The following FBN2 variants were observed in gnomAD, a reference collection of about 807,000 sequenced individuals.
The protein encoded by FBN2 is fibrillin-2.
FBN2 carries 105 observed loss-of-function variants against 355.6 expected under a neutral mutation model. The observed-to-expected ratio is 0.30, with a 90% confidence interval of 0.25 to 0.35. FBN2 has a LOEUF of 0.35. Ranked by LOEUF, FBN2 falls within the 10% of genes least tolerant of loss-of-function variation. The pLI is 1.00. For missense variants in FBN2, 3,280 were observed against 3,758.7 expected, an observed-to-expected ratio of 0.87 and a Z score of 3.33; for synonymous variants, 1,350 against 1,301.2, an observed-to-expected ratio of 1.04 and a Z score of -0.81.
intron 5 of FBN2, among the ~76,000 whole-genome samples, chr5:128,470,239 G>A (rs1754821750): frequency 6.6e-6 from 1 of 152,186 alleles, no homozygotes; most frequent in Admixed American, 6.5e-5. Flanking sequence ...CTGCTGAGCA[G>A]CCAAATTGCA....
At chr5:128,310,167 T>C in intron 39 of FBN2, 59 bp from the exon 40 acceptor site, 1 of 1,403,670 alleles carries the variant, frequency 7.1e-7, no homozygotes, top group Non-Finnish European at 9.9e-7. Context: ...GAATTTATAT[T>C]ACTTAGATGA....
intron 48 of FBN2, among the ~76,000 whole-genome samples, chr5:128,300,335 G>A (rs1029790853): frequency 3.1e-4 from 47 of 152,288 alleles, no homozygotes; most frequent in African/African-American, 1.1e-3. Flanking sequence ...GTGCTGGAAG[G>A]GTTTCAACAG....
intron 24 of FBN2, among the ~76,000 whole-genome samples, chr5:128,345,111 C>G (rs907317882): frequency 6.6e-6 from 1 of 152,114 alleles, no homozygotes; most frequent in East Asian, 1.9e-4. Context: ...GCTATCAGGG[C>G]GACATCTCCG....
At position 128,434,422 on chromosome 5, in the gene FBN2, A is replaced by ATATATATATATG. The variant is rs1561455185; in HGVS notation, c.952+12058_952+12059insCATATATATATA. 1.6e-4 allele frequency among the ~76,000 whole-genome samples: 21 copies of ATATATATATATG among 132,704 alleles called. 2 individuals are homozygous for ATATATATATATG. The highest frequency in any genetic ancestry group is 6.2e-4 in the African/African-American group (19 of 30,456). The allele number at this position is 132,704 out of a possible 152,430, so 87.1% of individuals were successfully genotyped here. A position where few individuals can be genotyped will look rare whatever the true frequency, so the allele number is the denominator to read the frequency against. On this transcript the variant is annotated intron_variant, in intron 7 of 64. Transcript: ENST00000262464. The stretch of plus-strand genomic sequence containing the variant: ...TATATATATATATATATATATATAT[A>ATATATATATATG]TATGGGCAGTAAGTGACAGCACTGG...
intron 42 of FBN2, among the ~76,000 whole-genome samples, chr5:128,306,804 C>A (rs1413841908): frequency 6.6e-6 from 1 of 152,060 alleles, no homozygotes; most frequent in Admixed American, 6.5e-5. Context: ...AAGAAAATAG[C>A]AACTAAAGGT....
At chr5:128,280,851 G>T (rs943073108) in intron 55 of FBN2, among the ~76,000 whole-genome samples, 1 of 152,066 alleles carries the variant, frequency 6.6e-6, no homozygotes, top group Non-Finnish European at 1.5e-5. Context: ...TGCTCTTTTG[G>T]TTGGTGATAA....
intron 4 of FBN2, 80 bp downstream of exon 4, chr5:128,527,792 G>T: frequency 9.7e-7 from 1 of 1,027,912 alleles, no homozygotes; most frequent in Non-Finnish European, 1.5e-6. Context: ...AAGATCACAG[G>T]ATTTATGAGA....
chr5:128,305,226 C>T, intron 44 of FBN2, 144 bp from the exon 45 acceptor site: 1 of 863,144 alleles, frequency 1.2e-6, no homozygotes. Flanking sequence ...TCAAAATGAG[C>T]AGGACTTCAA....
At position 128,507,670 on chromosome 5, in the gene FBN2, G is replaced by T. The variant is rs893669775; in HGVS notation, c.628+11603C>A. On this transcript the variant is annotated intron_variant, in intron 5 of 64. Coordinates refer to ENST00000262464, the MANE Select transcript of FBN2 (RefSeq NM_001999.4). ...TTTACCTTATTTTTGCTTTTGAGTT[G>T]TTCATTATCTACTTAATATCCATTT... Among the ~76,000 whole-genome samples, 10 of 152,020 alleles carry T rather than the reference G, an allele frequency of 6.6e-5. No individual in the cohort carries two copies. The South Asian group carries it at 1.0e-3, about 16-fold the overall frequency.
intron 48 of FBN2, among the ~76,000 whole-genome samples, chr5:128,295,377 G>T (rs1453744251): frequency 5.3e-5 from 8 of 150,268 alleles, no homozygotes; most frequent in African/African-American, 1.7e-4. Context: ...GTGAAGAAAG[G>T]CATTGGTAGC....
chr5:128,495,262 G>A (rs867642503), intron 5 of FBN2, among the ~76,000 whole-genome samples: 71 of 151,592 alleles, frequency 4.7e-4, no homozygotes, highest in Admixed American at 6.6e-4. Flanking sequence ...AAAAGCAGAG[G>A]AAAAAAATAA....
chr5:128,446,378 G>T (rs1188889306), intron 7 of FBN2, 103 bp downstream of exon 7: 1 of 1,190,078 alleles, frequency 8.4e-7, no homozygotes, highest in East Asian at 2.4e-5. Flanking sequence ...AGTAGATAAA[G>T]AGTTTTAATT....
At chr5:128,421,908 G>C (rs1395029103) in intron 7 of FBN2, among the ~76,000 whole-genome samples, 1 of 152,178 alleles carries the variant, frequency 6.6e-6, no homozygotes, top group Non-Finnish European at 1.5e-5. Context: ...TTGAGATGCA[G>C]AGATAATCCT....
chr5:128,377,487 A>T (rs1181214133), intron 13 of FBN2, among the ~76,000 whole-genome samples: 1 of 151,988 alleles, frequency 6.6e-6, no homozygotes, highest in Non-Finnish European at 1.5e-5. Context: ...AACTTGTAAC[A>T]CACAGGAAAT....
intron 7 of FBN2, among the ~76,000 whole-genome samples, chr5:128,433,268 G>C (rs1581289846): frequency 6.6e-6 from 1 of 152,254 alleles, no homozygotes; most frequent in East Asian, 1.9e-4. Context: ...CTTTCTAAAA[G>C]AAGGCCTACT....
intron 36 of FBN2, among the ~76,000 whole-genome samples, chr5:128,314,063 G>T (rs1164160248): frequency 6.6e-6 from 1 of 151,832 alleles, no homozygotes; most frequent in African/African-American, 2.4e-5. Context: ...GTAAGCCAGA[G>T]TGACCCTTCA....
chr5:128,446,324 T>C, intron 7 of FBN2, 157 bp downstream of exon 7: 3 of 723,518 alleles, frequency 4.1e-6, no homozygotes, highest in Non-Finnish European at 7.0e-6. Flanking sequence ...AAGGCTACAA[T>C]ACACAAACAC....
intron 63 of FBN2, 81 bp downstream of exon 63, chr5:128,263,344 T>A (rs1278833384): frequency 1.9e-6 from 2 of 1,067,054 alleles, no homozygotes; most frequent in African/African-American, 3.1e-5. Flanking sequence ...GACACTGTAC[T>A]CTTCCCTGCA....
chr5:128,494,810 C>G (rs1755610865), intron 5 of FBN2, among the ~76,000 whole-genome samples: 1 of 152,140 alleles, frequency 6.6e-6, no homozygotes, highest in Non-Finnish European at 1.5e-5. Flanking sequence ...AGTATCAAGA[C>G]CCTGGGGTGT....
Sources: allele counts gnomAD v4.1 joint callset (sites outside exome capture counted in the v4.1 genomes callset), GRCh38; gene constraint gnomAD v4.1.1; transcripts MANE v1.5; gene names NCBI Gene and HGNC (gene_info 2026-07-23, HGNC 2026-07-21).